Variants in DNAH10 observed in about 807,000 individuals in gnomAD.
The protein encoded by DNAH10 is dynein axonemal heavy chain 10.
A neutral mutation model predicts 506.6 loss-of-function variants in DNAH10; 348 were observed. The observed-to-expected ratio is 0.69, with a 90% CI of 0.63 to 0.75. The LOEUF (loss-of-function observed/expected upper bound fraction) is 0.75, where lower values mean the gene tolerates loss of function less well. Ranked by LOEUF, DNAH10 falls within the 30% of genes least tolerant of loss-of-function variation. The pLI is 0.00. For synonymous variants in DNAH10, 2,059 were observed against 2,198.6 expected, an observed-to-expected ratio of 0.94 and a Z score of 1.78; for missense variants, 5,179 against 5,787.1, an observed-to-expected ratio of 0.89 and a Z score of 3.41.
chr12:123,789,822 T>A, intron 10 of DNAH10, 105 bp from the exon 11 acceptor site: 1 of 1,070,560 alleles, frequency 9.3e-7, no homozygotes, highest in Non-Finnish European at 1.4e-6. Context: ...CTGTGTGACA[T>A]GATTCTTGCC....
chr12:123,934,187 C>A (rs757125705), intron 77 of DNAH10: 2 of 700,312 alleles, frequency 2.9e-6, no homozygotes, highest in South Asian at 3.0e-5. Flanking sequence ...GGTCCTCCTC[C>A]CCGGAGACCA....
Position 123,929,312 on chromosome 12 carries a change from T to A in DNAH10, c.12344T>A (p.Met4115Lys). The A allele has an allele frequency of 6.2e-7, 1 of 1,604,834 alleles. No individual in the cohort carries two copies. Among genetic ancestry groups the A allele is most frequent in the Non-Finnish European group, 8.5e-7 (1 of 1,175,792 alleles). ...CCACCCAATGGGCTGAAACTCAACA[T>A]GAGGGCAACTTACTTCAAGATCTCT... ...TEPPNGLKLN[M>K]RATYFKISHE... Residue 4115 changes from methionine (M) to lysine (K), a missense_variant, in exon 71 of 79, where the codon ATG (methionine) becomes AAG (lysine). Met to Lys is a moderately conservative substitution (Grantham distance 95). Transcript: ENST00000673944.
chr12:123,831,502 T>A (rs570476888), intron 26 of DNAH10, among the ~76,000 whole-genome samples: 1 of 152,298 alleles, frequency 6.6e-6, no homozygotes, highest in Admixed American at 6.5e-5. Flanking sequence ...TTGGGTAGAA[T>A]CTATTGCTCT....
At chr12:123,812,811 A>G (rs997585850) in intron 19 of DNAH10, among the ~76,000 whole-genome samples, 1 of 151,964 alleles carries the variant, frequency 6.6e-6, no homozygotes, top group African/African-American at 2.4e-5. Flanking sequence ...TCTCTTGTGT[A>G]TGGCCTTTCG....
At chr12:123,861,252 C>A in intron 39 of DNAH10, 82 bp downstream of exon 39, 2 of 1,487,138 alleles carry the variant, frequency 1.3e-6, no homozygotes, top group Non-Finnish European at 9.0e-7. Context: ...CAGGACTATA[C>A]ATTGTAGCTT....
rs755880589 is a variant in DNAH10 at position 123,857,049 on chromosome 12, C to T, written c.6439-7C>T. 3 of 1,598,244 alleles carry T rather than the reference C, an allele frequency of 1.9e-6. No homozygotes were observed. The highest frequency in any genetic ancestry group is 2.7e-5 in the African/African-American group (2 of 74,220). ...TCTCTTGGAAACATGTGTTTCATTT[C>T]CTGCAGGACGTGGTGCTGATGAGGG... On this transcript the variant is annotated splice_region_variant and splice_polypyrimidine_tract_variant and intron_variant, in intron 36 of 78. Coordinates refer to ENST00000673944, the MANE Select transcript of DNAH10 (RefSeq NM_001372106.1).
In DNAH10 at chr12:123,884,216, C is replaced by G. The variant is rs1267129980; in HGVS notation, c.8823+2403C>G. On this transcript the variant is annotated intron_variant, in intron 51 of 78. Transcript: ENST00000673944. Reference sequence around the variant, plus strand: ...CGCCCGGCTAACTTTTGTATTTTTACTAGAGACGGGGTTTCGCCATGTTGG... The same window carrying G: ...CGCCCGGCTAACTTTTGTATTTTTAGTAGAGACGGGGTTTCGCCATGTTGG... Among the ~76,000 whole-genome samples the G allele has an allele frequency of 2.6e-5, 4 of 152,136 alleles. No homozygotes were observed. In the South Asian group the frequency reaches 8.3e-4, roughly 32 times the overall value.
In DNAH10 at chr12:123,799,325, C is replaced by T. The variant is rs771986339; in HGVS notation, c.2243C>T (p.Thr748Met). The change falls in exon 14 of 79, where the codon ACG becomes ATG. Residue 748 changes from threonine (T) to methionine (M), a missense_variant. Transcript: ENST00000673944. Reference protein sequence around the residue: ...DRKYEQWMEVTEQVLPALMKK... With the variant: ...DRKYEQWMEVMEQVLPALMKK... The stretch of plus-strand genomic sequence containing the variant: ...AAGTATGAGCAGTGGATGGAGGTGA[C>T]GGAGCAGGTGCTGCCAGCTCTCATG... The T allele has an allele frequency of 8.7e-6, 14 of 1,612,774 alleles. No individual in the cohort carries two copies. Among genetic ancestry groups the T allele is most frequent in the East Asian group, 4.5e-5 (2 of 44,878 alleles).
intron 45 of DNAH10, among the ~76,000 whole-genome samples, chr12:123,872,244 C>T (rs1308689930): frequency 1.3e-5 from 2 of 152,088 alleles, no homozygotes; most frequent in East Asian, 3.8e-4. Flanking sequence ...GCATAGAATT[C>T]GCAGGGTGCA....
chr12:123,783,023 C>T (rs994051006), intron 6 of DNAH10, 84 bp from the exon 7 acceptor site: 66 of 1,368,908 alleles, frequency 4.8e-5, no homozygotes, highest in East Asian at 2.8e-4. Flanking sequence ...GCTTGAGAGA[C>T]GACCCAGCCG....
chr12:123,922,320 G>A (rs374849808), intron 65 of DNAH10, among the ~76,000 whole-genome samples: 15 of 152,060 alleles, frequency 9.9e-5, no homozygotes, highest in East Asian at 7.8e-4. Context: ...AGGTTGCAGT[G>A]AGCCGAGATC....
intron 13 of DNAH10, 134 bp from the exon 14 acceptor site, chr12:123,799,105 CAAAAAAA>C: frequency 3.5e-6 from 1 of 283,716 alleles, no homozygotes; most frequent in Non-Finnish European, 4.4e-6. Context: ...ACTCCGTCTC[CAAAAAAA>C]AAAAAAAAAA....
chr12:123,867,859 G>C, intron 42 of DNAH10, 44 bp from the exon 43 acceptor site: 7 of 1,572,056 alleles, frequency 4.5e-6, no homozygotes, highest in Non-Finnish European at 6.1e-6. Context: ...GACTCTGTGG[G>C]GGTGGACTAT....
At chr12:123,788,565 T>C (rs528501663) in intron 10 of DNAH10, among the ~76,000 whole-genome samples, 2 of 152,076 alleles carry the variant, frequency 1.3e-5, no homozygotes, top group Admixed American at 1.3e-4. Flanking sequence ...GGCTGCGGTG[T>C]GGCAGTGCCC....
chr12:123,853,495 A>T lies in DNAH10; in HGVS notation c.6438+143A>T. 1.8e-6 allele frequency: 2 copies of T among 1,115,044 alleles called. No individual in the cohort carries two copies. Among genetic ancestry groups the T allele is most frequent in the South Asian group, 4.2e-5 (2 of 47,526 alleles). The allele number at this position is 1,115,044 out of a possible 1,614,324, so 69.1% of individuals were successfully genotyped here. On this transcript the variant is annotated intron_variant, in intron 36 of 78. Coordinates refer to ENST00000673944, the MANE Select transcript of DNAH10 (RefSeq NM_001372106.1). The surrounding 1 kb of genome is among the most constrained non-coding windows in gnomAD (Gnocchi z 4.7). Reference sequence around the variant, plus strand: ...CCTCTTCACCCCGCGGTCTGGCCTTACTTTGGCCTCTTACCTGTTGTATCG... The same window carrying T: ...CCTCTTCACCCCGCGGTCTGGCCTTTCTTTGGCCTCTTACCTGTTGTATCG...
chr12:123,800,244 C>G lies in DNAH10; in HGVS notation c.2318C>G (p.Thr773Ser). The change falls in exon 15 of 79, where the codon ACT becomes AGT. Residue 773 changes from threonine to serine, a missense_variant. This residue lies in a region of DNAH10 where 4,844 missense variants were observed against 5,430.5 expected (regional missense o/e 0.89). Coordinates refer to ENST00000673944, the MANE Select transcript of DNAH10 (RefSeq NM_001372106.1). ...KSSIATEEPS[T>S]LERGAVFAIN... is the part of the protein sequence containing the mutation. ...TCCATCGCCACAGAGGAGCCTTCGA[C>G]TTTAGAAAGGGGAGCTGTTTTTGCA... 6.2e-7 allele frequency: 1 copy of G among 1,613,980 alleles called. No individual in the cohort carries two copies. Among genetic ancestry groups the G allele is most frequent in the Non-Finnish European group, 8.5e-7 (1 of 1,179,968 alleles).
chr12:123,924,507 C>A, intron 67 of DNAH10, 75 bp downstream of exon 67: 2 of 1,552,588 alleles, frequency 1.3e-6, no homozygotes, highest in South Asian at 1.2e-5. Context: ...TGTGGCCCAA[C>A]CCCTTAAGAG....
chr12:123,883,055 CA>C (rs1204604442), intron 51 of DNAH10, among the ~76,000 whole-genome samples: 1 of 152,066 alleles, frequency 6.6e-6, no homozygotes, highest in East Asian at 1.9e-4. Flanking sequence ...ATCGGTACTT[CA>C]TTTTTTTTTT....
intron 19 of DNAH10, among the ~76,000 whole-genome samples, chr12:123,809,555 CAGA>C (rs1266254170): frequency 1.3e-5 from 2 of 152,040 alleles, no homozygotes; most frequent in East Asian, 3.8e-4. Context: ...GAGGCTGAGG[CAGA>C]GGATTGCTTG....
Sources: gnomAD v4.1 joint callset for allele counts (sites outside exome capture counted in the v4.1 genomes callset) on GRCh38, gnomAD v4.1.1 for gene constraint, gnomAD v4.1.1 regional missense constraint, Gnocchi (gnomAD v3.1) non-coding constraint, MANE v1.5 for transcripts, NCBI Gene and HGNC (gene_info 2026-07-23, HGNC 2026-07-21) for gene names.